Variants in ETV1 observed in about 807,000 individuals in gnomAD.
The protein encoded by ETV1 is ETS variant transcription factor 1.
Under a neutral mutation model 62.3 loss-of-function variants are expected in ETV1, and 27 were observed. That is an observed-to-expected ratio of 0.43 (90% CI 0.32 to 0.60). The LOEUF (loss-of-function observed/expected upper bound fraction) is 0.60. Ranked by LOEUF, ETV1 falls within the 20% of genes least tolerant of loss-of-function variation. The pLI is 0.06. For synonymous variants in ETV1, 222 were observed against 199.6 expected, an observed-to-expected ratio of 1.11 and a Z score of -0.94; for missense variants, 605 against 605.8, an observed-to-expected ratio of 1.00 and a Z score of 0.01.
In ETV1 at chr7:13,955,472, C is replaced by T. The variant is rs7800492; in HGVS notation, c.236-16226G>A. Among the ~76,000 whole-genome samples the T allele has an allele frequency of 1.1e-3, 166 of 152,176 alleles. 1 individual carries two copies. The highest frequency in any genetic ancestry group is 3.7e-3 in the African/African-American group (154 of 41,540). On this transcript the variant is annotated intron_variant, in intron 6 of 13. Coordinates refer to ENST00000430479, the MANE Select transcript of ETV1 (RefSeq NM_004956.5). Reference sequence around the variant, plus strand: ...AACATTTACAGCACAAGAGCTACATCAGAATAATGAACTCTAAGAGTCTCT... The same window carrying T: ...AACATTTACAGCACAAGAGCTACATTAGAATAATGAACTCTAAGAGTCTCT...
Position 13,906,556 on chromosome 7 carries a change from T to C in ETV1, c.984A>G (p.Thr328=). 6.2e-7 allele frequency: 1 copy of C among 1,612,606 alleles called. No individual in the cohort carries two copies. Among genetic ancestry groups the C allele is most frequent in the Non-Finnish European group, 8.5e-7 (1 of 1,179,272 alleles). Reference sequence around the variant, plus strand: ...GCTGAAGTGATCCTCGCCGTTGGTATGTGGGTCCTTCCCGATACATTCCTG... The same window carrying C: ...GCTGAAGTGATCCTCGCCGTTGGTACGTGGGTCCTTCCCGATACATTCCTG... ...QEPGMYREGP[T]YQRRGSLQLW... Residue 328 remains threonine, a synonymous_variant, in exon 12 of 14, where the codon ACA becomes ACG. Coordinates refer to ENST00000430479, the MANE Select transcript of ETV1 (RefSeq NM_004956.5).
At chr7:13,910,533 T>C in intron 10 of ETV1, 1 of 550,624 alleles carries the variant, frequency 1.8e-6, no homozygotes, top group Non-Finnish European at 2.3e-6. Flanking sequence ...ATTCTACTAA[T>C]ATCATTTACA....
chr7:13,908,145 C>T (rs1783170353), intron 11 of ETV1, among the ~76,000 whole-genome samples: 1 of 152,008 alleles, frequency 6.6e-6, no homozygotes, highest in South Asian at 2.1e-4. Flanking sequence ...CCTCATTTTT[C>T]TTTCTTCTTG....
At chr7:13,988,819 C>A (rs1782806074) in intron 3 of ETV1, 189 bp downstream of exon 3, 2 of 1,602,800 alleles carry the variant, frequency 1.2e-6, no homozygotes, top group Non-Finnish European at 1.7e-6. Context: ...TATGCCTTAT[C>A]CAAATCACTG....
rs140879246 is a variant in ETV1 at position 13,989,082 on chromosome 7, TA to T, written c.-31del. ...CTGCTCTTCGCAAATCTCAGCTCAGTATTTTATATTTTGAGCATTTAGCTGG... is the reference window on the plus strand; with the variant it reads ...CTGCTCTTCGCAAATCTCAGCTCAGTTTTTATATTTTGAGCATTTAGCTGG... On this transcript the variant is annotated 5_prime_UTR_variant, in exon 3 of 14. Transcript: ENST00000430479. The T allele has an allele frequency of 0.49, 769,216 of 1,576,792 alleles. 191,426 individuals are homozygous for T. The highest frequency in any genetic ancestry group is 0.67 in the African/African-American group (49,593 of 74,312).
chr7:13,904,518 G>T (rs1187845853), intron 12 of ETV1, among the ~76,000 whole-genome samples: 2 of 152,124 alleles, frequency 1.3e-5, no homozygotes, highest in Non-Finnish European at 2.9e-5. Flanking sequence ...TATATAAAAA[G>T]CTTAATCATT....
Position 13,988,177 on chromosome 7 carries a change from C to G in ETV1, c.46-4G>C. 1 of 1,599,392 alleles carries G rather than the reference C, an allele frequency of 6.3e-7. No individual in the cohort carries two copies. Among genetic ancestry groups the G allele is most frequent in the Non-Finnish European group, 8.6e-7 (1 of 1,166,876 alleles). ...TACAATTTCTCCCACGCTGACTCTA[C>G]AAAGGGAAAGATAAAATCCTTTAAA... On this transcript the variant is annotated splice_region_variant and splice_polypyrimidine_tract_variant and intron_variant, in intron 3 of 13. Transcript: ENST00000430479.
At chr7:13,951,110 C>T (rs554131181) in intron 6 of ETV1, among the ~76,000 whole-genome samples, 1 of 152,194 alleles carries the variant, frequency 6.6e-6, no homozygotes, top group South Asian at 2.1e-4. Flanking sequence ...TCACTTCACT[C>T]ACTTATCAGC....
At chr7:13,896,733 A>AGAG (rs1314566146) in intron 13 of ETV1, among the ~76,000 whole-genome samples, 2 of 138,306 alleles carry the variant, frequency 1.4e-5, no homozygotes, top group African/African-American at 2.7e-5. Context: ...GAAAAAGAAA[A>AGAG]AGAAAGAAAG....
intron 9 of ETV1, among the ~76,000 whole-genome samples, chr7:13,928,723 C>T (rs1189225071): frequency 6.6e-6 from 1 of 152,072 alleles, no homozygotes; most frequent in Non-Finnish European, 1.5e-5. Context: ...TTTGGGAGGC[C>T]AAGGTGGCCC....
At chr7:13,911,215 G>T in intron 10 of ETV1, 24 bp downstream of exon 10, 1 of 1,563,422 alleles carries the variant, frequency 6.4e-7, no homozygotes, top group Non-Finnish European at 8.8e-7. Context: ...TATTTACACG[G>T]AATTTCAGTG....
At chr7:13,947,048 T>C (rs1788246381) in intron 6 of ETV1, among the ~76,000 whole-genome samples, 1 of 152,182 alleles carries the variant, frequency 6.6e-6, no homozygotes, top group Admixed American at 6.5e-5. Context: ...AGTGCTGGGA[T>C]TATAGGCGTG....
intron 13 of ETV1, chr7:13,900,465 T>C (rs1782295380): frequency 6.1e-6 from 2 of 329,866 alleles, no homozygotes; most frequent in East Asian, 9.5e-5. Context: ...AGATGTGCTA[T>C]TAATACTAAA....
In ETV1 at chr7:13,989,552, G is replaced by A; in HGVS notation, c.-285+11C>T. On this transcript the variant is annotated intron_variant, in intron 1 of 13. Transcript: ENST00000430479. ...TCTGGAGAGACATAAAAAGTTGTTG[G>A]AAAGACCCACCTGAAGGCCACGCTA... The A allele has an allele frequency of 2.5e-6, 1 of 399,086 alleles. No homozygotes were observed. Among genetic ancestry groups the A allele is most frequent in the South Asian group, 1.3e-4 (1 of 7,856 alleles). 24.7% of individuals were successfully genotyped at this position (399,086 alleles called of 1,614,324 possible).
intron 6 of ETV1, among the ~76,000 whole-genome samples, chr7:13,974,255 G>C (rs964063100): frequency 1.3e-5 from 2 of 152,096 alleles, no homozygotes; most frequent in East Asian, 3.9e-4. Flanking sequence ...ACACATGCAA[G>C]GGCAAAGAGA....
intron 6 of ETV1, among the ~76,000 whole-genome samples, chr7:13,941,565 C>G (rs1200895042): frequency 1.3e-5 from 2 of 152,172 alleles, no homozygotes; most frequent in East Asian, 1.9e-4. Flanking sequence ...AGAAAACCCA[C>G]GAAGAATTTA....
intron 5 of ETV1, among the ~76,000 whole-genome samples, chr7:13,977,708 G>T (rs1011260022): frequency 6.6e-6 from 1 of 152,110 alleles, no homozygotes; most frequent in African/African-American, 2.4e-5. Flanking sequence ...GAAATAGGAT[G>T]ATGGCAGGTG....
At chr7:13,906,101 A>G (rs773716786) in intron 12 of ETV1, 4 of 194,182 alleles carry the variant, frequency 2.1e-5, no homozygotes, top group Non-Finnish European at 4.1e-5. Flanking sequence ...CCTAAGGACC[A>G]TAAAACCTCC....
At chr7:13,936,696 T>A (rs556125208) in intron 7 of ETV1, among the ~76,000 whole-genome samples, 1 of 152,344 alleles carries the variant, frequency 6.6e-6, no homozygotes, top group African/African-American at 2.4e-5. Context: ...TTACTAAAAC[T>A]AAATTTTCTT....
Sources: gnomAD v4.1 joint callset for allele counts (sites outside exome capture counted in the v4.1 genomes callset) on GRCh38, gnomAD v4.1.1 for gene constraint, MANE v1.5 for transcripts, NCBI Gene and HGNC (gene_info 2026-07-23, HGNC 2026-07-21) for gene names.